Variants in PDE10A observed in about 807,000 individuals in gnomAD.
PDE10A encodes cAMP and cAMP-inhibited cGMP 3',5'-cyclic phosphodiesterase 10A.
PDE10A carries 39 observed loss-of-function variants against 97.7 expected under a neutral mutation model. The observed-to-expected ratio is 0.40, with a 90% CI of 0.31 to 0.52. The LOEUF is 0.52. Among genes scored for constraint, PDE10A ranks in the 20% least tolerant of loss-of-function variants. The pLI, the probability that PDE10A is intolerant of heterozygous loss-of-function variation, is 0.56. For missense variants in PDE10A, 731 were observed against 1,047.8 expected (o/e 0.70, Z 4.17); for synonymous variants, 371 against 376.8 (o/e 0.98, Z 0.18).
chr6:165,841,676 T>C (rs903505378), intron 1 of PDE10A, among the ~76,000 whole-genome samples: 2 of 152,042 alleles, frequency 1.3e-5, no homozygotes, highest in African/African-American at 4.8e-5. Context: ...GGCTCTGGGG[T>C]GGAGGAAAAA....
chr6:165,828,027 G>C (rs749081044), intron 1 of PDE10A, among the ~76,000 whole-genome samples: 3 of 152,190 alleles, frequency 2.0e-5, no homozygotes, highest in South Asian at 4.1e-4. Context: ...TAGCACAGGA[G>C]GGGTAAATGT....
At chr6:165,746,334 T>A (rs1344299918) in intron 1 of PDE10A, among the ~76,000 whole-genome samples, 1 of 152,214 alleles carries the variant, frequency 6.6e-6, no homozygotes, top group African/African-American at 2.4e-5. Context: ...ATTTATTGAC[T>A]CTTTCAAGAT....
At chr6:165,833,689 C>T (rs1387601577) in intron 1 of PDE10A, among the ~76,000 whole-genome samples, 1 of 152,234 alleles carries the variant, frequency 6.6e-6, no homozygotes, top group African/African-American at 2.4e-5. Flanking sequence ...GGCAGCAATT[C>T]TTCTCGAGAT....
chr6:165,826,499 G>GTCCGTGTCCCTCTGTCCCTA (rs1779755629), intron 1 of PDE10A, among the ~76,000 whole-genome samples: 1 of 119,288 alleles, frequency 8.4e-6, no homozygotes, highest in Non-Finnish European at 1.9e-5. Context: ...CTCTGTCCCT[G>GTCCGTGTCCCTCTGTCCCTA]TGTCCCTCTG....
chr6:165,923,644 G>A (rs1026573127), intron 1 of PDE10A, among the ~76,000 whole-genome samples: 1 of 152,204 alleles, frequency 6.6e-6, no homozygotes, highest in Admixed American at 6.5e-5. Flanking sequence ...CTTAACAAGA[G>A]GACCCATTGC....
At chr6:165,453,280 T>G (rs149586438) in intron 3 of PDE10A, among the ~76,000 whole-genome samples, 1 of 152,280 alleles carries the variant, frequency 6.6e-6, no homozygotes, top group East Asian at 1.9e-4. Flanking sequence ...ATGGAAAGAT[T>G]TGGAAAATTT....
intron 1 of PDE10A, among the ~76,000 whole-genome samples, chr6:165,771,654 TAAAAA>T (rs35902541): frequency 0.024 from 2,577 of 106,322 alleles, 60 homozygotes; most frequent in African/African-American, 0.078. Context: ...TTTAACAAGA[TAAAAA>T]AAAAAAAAAA....
chr6:165,552,055 A>C (rs1171730843), intron 1 of PDE10A, among the ~76,000 whole-genome samples: 1 of 152,028 alleles, frequency 6.6e-6, no homozygotes, highest in African/African-American at 2.4e-5. Flanking sequence ...CATTTAGCCA[A>C]TTTAAAGGCA....
At chr6:165,875,561 A>C (rs1457850912) in intron 1 of PDE10A, among the ~76,000 whole-genome samples, 1 of 152,202 alleles carries the variant, frequency 6.6e-6, no homozygotes, top group East Asian at 1.9e-4. Context: ...TGATTTTATA[A>C]GTTTTTACTC....
At chr6:165,851,438 C>T (rs1562767807) in intron 1 of PDE10A, among the ~76,000 whole-genome samples, 1 of 152,212 alleles carries the variant, frequency 6.6e-6, no homozygotes. Flanking sequence ...GCATCCATCC[C>T]AGGCATTAAC....
At chr6:165,801,411 G>A (rs1778984945) in intron 1 of PDE10A, among the ~76,000 whole-genome samples, 1 of 152,186 alleles carries the variant, frequency 6.6e-6, no homozygotes, top group Admixed American at 6.5e-5. Context: ...AAGGCATGGT[G>A]GTACATGCCT....
chr6:165,848,375 G>A (rs534801960), intron 1 of PDE10A, among the ~76,000 whole-genome samples: 14 of 152,312 alleles, frequency 9.2e-5, no homozygotes, highest in Non-Finnish European at 1.6e-4. Flanking sequence ...GTGCCTGTGC[G>A]TGCAGAGGAG....
intron 1 of PDE10A, among the ~76,000 whole-genome samples, chr6:165,596,911 C>A (rs899059926): frequency 2.0e-5 from 3 of 152,038 alleles, no homozygotes; most frequent in African/African-American, 7.2e-5. Context: ...TATTCTGAGA[C>A]TAAATTTTTG....
At chr6:165,945,855 T>C (rs1453394813) in intron 1 of PDE10A, among the ~76,000 whole-genome samples, 1 of 152,246 alleles carries the variant, frequency 6.6e-6, no homozygotes. Flanking sequence ...GCTAATTCTG[T>C]CTACTTCATA....
intron 1 of PDE10A, among the ~76,000 whole-genome samples, chr6:165,626,787 A>G (rs12210436): frequency 0.5 from 74,388 of 149,606 alleles, 20,626 homozygotes; most frequent in East Asian, 0.72. Flanking sequence ...GGAGCTGGGG[A>G]TGGGGTGGAC....
At chr6:165,622,318 T>G (rs1230878326) in intron 1 of PDE10A, among the ~76,000 whole-genome samples, 1 of 152,062 alleles carries the variant, frequency 6.6e-6, no homozygotes, top group African/African-American at 2.4e-5. Flanking sequence ...GTGTGTCACT[T>G]AATGGAAACA....
At chr6:165,621,771 A>AAAGAAGAAGAAGAAG (rs1554297071) in intron 1 of PDE10A, among the ~76,000 whole-genome samples, 1 of 134,686 alleles carries the variant, frequency 7.4e-6, no homozygotes, top group Non-Finnish European at 1.7e-5. Context: ...AAGAAAAAAA[A>AAAGAAGAAGAAGAAG]AAGAAGAAGA....
intron 18 of PDE10A, among the ~76,000 whole-genome samples, chr6:165,373,963 A>C (rs1784437741): frequency 6.6e-6 from 1 of 151,498 alleles, no homozygotes; most frequent in Admixed American, 6.6e-5. Context: ...CATCATTCTC[A>C]GTAAACTATC....
At chr6:165,385,372 T>G (rs1021497463) in intron 17 of PDE10A, among the ~76,000 whole-genome samples, 13 of 151,988 alleles carry the variant, frequency 8.6e-5, no homozygotes, top group African/African-American at 3.1e-4. Context: ...TGGGCAGAAG[T>G]CCTATTGAGC....
Sources: allele counts gnomAD v4.1 joint callset (sites outside exome capture counted in the v4.1 genomes callset), GRCh38; gene constraint gnomAD v4.1.1; transcripts MANE v1.5; gene names NCBI Gene and HGNC (gene_info 2026-07-23, HGNC 2026-07-21).